The following SERAC1 variants were observed in gnomAD, a reference collection of about 807,000 sequenced individuals.
The protein encoded by SERAC1 is protein SERAC1.
In SERAC1, 36 loss-of-function variants were observed where a neutral mutation model predicts 85.7. The observed-to-expected ratio is 0.42, with a 90% CI of 0.32 to 0.55. SERAC1 has a LOEUF of 0.55. SERAC1 is among the 20% of genes least tolerant of loss of function. The pLI is 0.11. For synonymous variants in SERAC1, 242 were observed against 265.3 expected, an observed-to-expected ratio of 0.91 and a Z score of 0.85; for missense variants, 629 against 796.2, an observed-to-expected ratio of 0.79 and a Z score of 2.53.
chr6:158,121,218 T>C (rs1784414542), intron 10 of SERAC1, among the ~76,000 whole-genome samples: 1 of 152,152 alleles, frequency 6.6e-6, no homozygotes, highest in Non-Finnish European at 1.5e-5. Flanking sequence ...CACAAAGATC[T>C]ATACACTAAA....
intron 4 of SERAC1, 28 bp from the exon 5 acceptor site, chr6:158,148,982 C>T (rs750903671): frequency 5.9e-6 from 9 of 1,522,364 alleles, no homozygotes; most frequent in Non-Finnish European, 4.5e-6. Context: ...TTAAGTAAAA[C>T]CAAGAATGTA....
chr6:158,160,825 TGTC>T (rs1219040449), intron 1 of SERAC1: 1 of 152,184 alleles, frequency 6.6e-6, no homozygotes, highest in African/African-American at 2.4e-5. Context: ...TCTCCTATCT[TGTC>T]TAGTATTTTA....
At chr6:158,114,691 T>TAAAATGAGATAATACATTCAAGGAATAC in intron 15 of SERAC1, 98 bp downstream of exon 15, 2 of 1,576,608 alleles carry the variant, frequency 1.3e-6, no homozygotes, top group Non-Finnish European at 8.6e-7. Flanking sequence ...ATACAAATTA[T>TAAAATGAGATAATACATTCAAGGAATAC]AAAATGAGAT....
chr6:158,143,305 GTCTCTCTC>G lies in SERAC1; in HGVS notation c.610-129_610-122del, dbSNP rs753181670. 633 of 606,082 alleles carry G rather than the reference GTCTCTCTC, an allele frequency of 1.0e-3. 2 individuals carry two copies. Among genetic ancestry groups the G allele is most frequent in the African/African-American group, 3.3e-3 (155 of 46,514 alleles). The allele number at this position is 606,082 out of a possible 1,614,324, so 37.5% of individuals were successfully genotyped here. ...TCAAAGCCATATATTATGTGTGCAT[GTCTCTCTC>G]TCTCTCTCTCTCTCTCTCTCTCTCT... On this transcript the variant is annotated intron_variant, in intron 7 of 16. Coordinates refer to ENST00000647468, the MANE Select transcript of SERAC1 (RefSeq NM_032861.4).
chr6:158,140,077 C>A (rs1179468850), intron 8 of SERAC1, among the ~76,000 whole-genome samples: 3 of 152,214 alleles, frequency 2.0e-5, no homozygotes, highest in African/African-American at 7.2e-5. Flanking sequence ...CATACATCCA[C>A]ACAAAGACAT....
chr6:158,152,015 T>C (rs907587961), intron 3 of SERAC1, among the ~76,000 whole-genome samples: 1 of 152,144 alleles, frequency 6.6e-6, no homozygotes, highest in Non-Finnish European at 1.5e-5. Context: ...GCCTCCCGAA[T>C]AGCTGAGACT....
chr6:158,131,874 A>G (rs1300427872), intron 8 of SERAC1, among the ~76,000 whole-genome samples: 1 of 152,226 alleles, frequency 6.6e-6, no homozygotes, highest in Non-Finnish European at 1.5e-5. Flanking sequence ...ACAGTTGTAC[A>G]ATGGAATGCC....
At chr6:158,152,549 C>G (rs1234873947) in intron 3 of SERAC1, among the ~76,000 whole-genome samples, 1 of 151,920 alleles carries the variant, frequency 6.6e-6, no homozygotes, top group African/African-American at 2.4e-5. Flanking sequence ...AGCCTAAGTA[C>G]ACAGTGTTGA....
At chr6:158,152,835 T>A (rs1785238838) in intron 3 of SERAC1, 1 of 152,028 alleles carries the variant, frequency 6.6e-6, no homozygotes, top group East Asian at 1.9e-4. Flanking sequence ...AGGTGTGGAG[T>A]AGGCTCTGCC....
In SERAC1 at chr6:158,119,084, G is replaced by T. The variant is rs763724831; in HGVS notation, c.1253C>A (p.Ala418Asp). The T allele has an allele frequency of 6.2e-7, 1 of 1,613,964 alleles. No homozygotes were observed. Among genetic ancestry groups the T allele is most frequent in the Non-Finnish European group, 8.5e-7 (1 of 1,179,942 alleles). ...ATCCTCCATAGGTTTTTCAATTACA[G>T]CCTGCTCACTGTCCTGCTGGCGCCA... The part of the protein sequence containing the change: ...KTWRQQDSEQ[A>D]VIEKPMEDED... Residue 418 changes from alanine (A) to aspartate (D), a missense_variant, in exon 12 of 17, where the codon GCT becomes GAT. Ala to Asp is a moderately radical substitution (Grantham distance 126). Transcript: ENST00000647468. The surrounding 1 kb of genome is among the most constrained non-coding windows in gnomAD (Gnocchi z 4.5).
chr6:158,128,329 G>A, intron 9 of SERAC1, 59 bp from the exon 10 acceptor site: 2 of 1,559,300 alleles, frequency 1.3e-6, no homozygotes, highest in Non-Finnish European at 1.8e-6. Context: ...GACGTGAGAT[G>A]ACACAGCCTG....
chr6:158,144,522 G>A (rs1485588882), intron 6 of SERAC1, 102 bp from the exon 7 acceptor site: 3 of 1,129,606 alleles, frequency 2.7e-6, no homozygotes, highest in Non-Finnish European at 3.7e-6. Context: ...TTTTTAAACT[G>A]CTCTGCAAAT....
intron 8 of SERAC1, among the ~76,000 whole-genome samples, chr6:158,141,021 A>G (rs927289031): frequency 6.6e-6 from 1 of 152,250 alleles, no homozygotes; most frequent in Admixed American, 6.5e-5. Context: ...CATACATAAC[A>G]GCCAAAGAAT....
At chr6:158,135,862 TG>T (rs1211601544) in intron 8 of SERAC1, among the ~76,000 whole-genome samples, 3 of 152,054 alleles carry the variant, frequency 2.0e-5, no homozygotes, top group Non-Finnish European at 2.9e-5. Flanking sequence ...CAGGCTGGAG[TG>T]CAGTGGTGCA....
Position 158,142,249 on chromosome 6 carries a change from C to A in SERAC1, c.738+807G>T, listed in dbSNP as rs557813098. On this transcript the variant is annotated intron_variant, in intron 8 of 16. Transcript: ENST00000647468. ...AATCACAGCTCACTGAAGCCTCAGT[C>A]TCCTGGGCTCAAGCAATCCTCCCAG... Among the ~76,000 whole-genome samples the A allele has an allele frequency of 1.4e-4, 22 of 151,966 alleles. No individual in the cohort carries two copies. The South Asian group carries it at 4.4e-3, about 30-fold the overall frequency.
chr6:158,154,479 T>C (rs1242323925), intron 3 of SERAC1, among the ~76,000 whole-genome samples: 2 of 152,204 alleles, frequency 1.3e-5, no homozygotes, highest in Non-Finnish European at 2.9e-5. Flanking sequence ...ATGCCAAATA[T>C]ATCTCTTTTA....
rs77053994 is a variant in SERAC1, at chr6:158,144,846, C to T, written c.488-426G>A. Among the ~76,000 whole-genome samples the T allele has an allele frequency of 1.1e-4, 17 of 152,280 alleles. 2 individuals carry two copies. The East Asian group carries it at 3.3e-3, about 29-fold the overall frequency. ...ATAGTGTCCATGAATATTTAGTCTG[C>T]AGTTCCAGATAGCAGTACTTTGAAT... On this transcript the variant is annotated intron_variant, in intron 6 of 16. Coordinates refer to ENST00000647468, the MANE Select transcript of SERAC1 (RefSeq NM_032861.4).
At chr6:158,150,199 T>C (rs372640808) in intron 4 of SERAC1, among the ~76,000 whole-genome samples, 45 of 152,306 alleles carry the variant, frequency 3.0e-4, no homozygotes, top group African/African-American at 1.0e-3. Flanking sequence ...CACTAAGATG[T>C]GGAATTCCAG....
chr6:158,162,402 A>G (rs922545316), intron 1 of SERAC1, among the ~76,000 whole-genome samples: 3 of 152,166 alleles, frequency 2.0e-5, no homozygotes, highest in Admixed American at 1.3e-4. Flanking sequence ...CAGTTTTAAG[A>G]TCTTTTTGAT....
Sources: gnomAD v4.1 joint callset for allele counts (sites outside exome capture counted in the v4.1 genomes callset) on GRCh38, gnomAD v4.1.1 for gene constraint, Gnocchi (gnomAD v3.1) non-coding constraint, MANE v1.5 for transcripts, NCBI Gene and HGNC (gene_info 2026-07-23, HGNC 2026-07-21) for gene names.